FUT8: variants seen among roughly 807,000 people sequenced by gnomAD.
FUT8 encodes fucosyltransferase 8, also known as alpha-(1,6)-fucosyltransferase.
Under a neutral mutation model 71.3 loss-of-function variants are expected in FUT8, and 29 were observed. The observed-to-expected ratio is 0.41, with a 90% CI of 0.30 to 0.55. FUT8 has a LOEUF of 0.55. Ranked by LOEUF, FUT8 falls within the 20% of genes least tolerant of loss-of-function variation. FUT8 has a pLI of 0.34. For missense variants in FUT8, 544 were observed against 702.1 expected, an observed-to-expected ratio of 0.77 and a Z score of 2.55; for synonymous variants, 254 against 239.3, an observed-to-expected ratio of 1.06 and a Z score of -0.57.
In FUT8 at chr14:65,453,100, G is replaced by A. The variant is rs76442732; in HGVS notation, c.-325-2521G>A. 5.0e-3 allele frequency among the ~76,000 whole-genome samples: 752 copies of A among 150,610 alleles called. 8 individuals are homozygous for A. The highest frequency in any genetic ancestry group is 0.017 in the African/African-American group (716 of 41,028). On this transcript the variant is annotated intron_variant, in intron 1 of 10. Transcript: ENST00000673929. ...CATGTAAAATAAGACACTGTAAATT[G>A]TGCCCTGTTGGGTGCTGGACATTTT...
chr14:65,491,515 A>T (rs1011409816), intron 2 of FUT8, among the ~76,000 whole-genome samples: 1 of 152,144 alleles, frequency 6.6e-6, no homozygotes, highest in Non-Finnish European at 1.5e-5. Context: ...TTCAGACTGG[A>T]TAAAATTGAA....
chr14:65,724,057 T>C (rs1895557720), intron 8 of FUT8, 90 bp from the exon 9 acceptor site: 1 of 938,804 alleles, frequency 1.1e-6, no homozygotes, highest in African/African-American at 1.7e-5. Context: ...AAAATGCCTA[T>C]AATGCCACCA....
chr14:65,493,025 G>A (rs1225636154), intron 2 of FUT8, among the ~76,000 whole-genome samples: 1 of 152,028 alleles, frequency 6.6e-6, no homozygotes, highest in Admixed American at 6.6e-5. Context: ...TCCAATAGTT[G>A]CAGATAGGAG....
At chr14:65,620,196 T>C (rs1889528101) in intron 5 of FUT8, among the ~76,000 whole-genome samples, 1 of 152,192 alleles carries the variant, frequency 6.6e-6, no homozygotes, top group Non-Finnish European at 1.5e-5. Context: ...TACCAAGTTC[T>C]GTTTATGGTA....
At chr14:65,462,361 A>G (rs1266809682) in intron 2 of FUT8, among the ~76,000 whole-genome samples, 1 of 152,234 alleles carries the variant, frequency 6.6e-6, no homozygotes, top group African/African-American at 2.4e-5. Context: ...GAAGAAGAGC[A>G]TTCTTCAGGT....
At chr14:65,573,892 A>G (rs985819436) in intron 3 of FUT8, among the ~76,000 whole-genome samples, 1 of 152,138 alleles carries the variant, frequency 6.6e-6, no homozygotes, top group East Asian at 1.9e-4. Flanking sequence ...TTGCTGTTCA[A>G]CAAATTACCA....
Position 65,616,045 on chromosome 14 carries a change from G to T in FUT8, c.271G>T (p.Val91Phe), listed in dbSNP as rs770449129. The T allele has an allele frequency of 3.1e-6, 5 of 1,613,926 alleles. No homozygotes were observed. The South Asian group carries it at 3.3e-5, about 11-fold the overall frequency. The change falls in exon 4 of 11, where the codon GTT becomes TTT. Residue 91 changes from valine to phenylalanine, a missense_variant. By Grantham distance (50) the Val-to-Phe change is conservative (BLOSUM62 -1). Transcript: ENST00000673929. ...GRVRVLEEQL[V>F]KAKEQIENYK... ...AGTACGCGTTTTAGAAGAGCAGCTT[G>T]TTAAGGCCAAAGAACAGATTGAAAA...
chr14:65,383,545 C>T, the FUT8 span, among the ~76,000 whole-genome samples: 1 of 152,184 alleles, frequency 6.6e-6, no homozygotes, highest in Non-Finnish European at 1.5e-5. Context: ...GCTGGGATTA[C>T]AGGCGTGAGC....
chr14:65,380,836 A>G, the FUT8 span, among the ~76,000 whole-genome samples: 2 of 152,228 alleles, frequency 1.3e-5, no homozygotes, highest in African/African-American at 4.8e-5. Flanking sequence ...GGGACAGTCA[A>G]TGTCACAAGT....
intron 2 of FUT8, among the ~76,000 whole-genome samples, chr14:65,484,056 C>T (rs1471513190): frequency 6.6e-6 from 1 of 152,136 alleles, no homozygotes; most frequent in Non-Finnish European, 1.5e-5. Flanking sequence ...TTGTTCATTA[C>T]TAATGTATAA....
chr14:65,497,534 A>C (rs2066578271), intron 2 of FUT8, among the ~76,000 whole-genome samples: 1 of 152,110 alleles, frequency 6.6e-6, no homozygotes, highest in Non-Finnish European at 1.5e-5. Flanking sequence ...AAATGATTCT[A>C]ATGATTTTTA....
chr14:65,374,951 G>A, the FUT8 span, among the ~76,000 whole-genome samples: 1 of 152,084 alleles, frequency 6.6e-6, no homozygotes, highest in African/African-American at 2.4e-5. Context: ...GTGGCTTAGA[G>A]CAATGAATTT....
At position 65,561,632 on chromosome 14, in the gene FUT8, T is replaced by C; in HGVS notation, c.69T>C (p.Phe23=). 1 of 1,613,598 alleles carries C rather than the reference T, an allele frequency of 6.2e-7. No homozygotes were observed. The highest frequency in any genetic ancestry group is 8.5e-7 in the Non-Finnish European group (1 of 1,179,620). Residue 23 remains phenylalanine (F), a synonymous_variant, in exon 3 of 11, where the codon TTT becomes TTC. Coordinates refer to ENST00000673929, the MANE Select transcript of FUT8 (RefSeq NM_001371533.1). ...LILFAWGTLL[F]YIGGHLVRDN... is the part of the protein sequence containing the mutation. ...TTTTTGCCTGGGGGACCTTGCTGTT[T>C]TATATAGGTGGTCACTTGGTACGAG...
chr14:65,692,221 A>T (rs1420227788), intron 7 of FUT8, among the ~76,000 whole-genome samples: 1 of 135,350 alleles, frequency 7.4e-6, no homozygotes, highest in Non-Finnish European at 1.6e-5. Flanking sequence ...GCGGCTGGCC[A>T]GGCGGGGGGC....
intron 2 of FUT8, among the ~76,000 whole-genome samples, chr14:65,558,400 G>C (rs1425950280): frequency 6.6e-6 from 1 of 151,028 alleles, no homozygotes; most frequent in Non-Finnish European, 1.5e-5. Flanking sequence ...GTCTTTATAA[G>C]ATATATGTTG....
chr14:65,729,430 T>A (rs1181971504), intron 9 of FUT8, among the ~76,000 whole-genome samples: 3 of 152,222 alleles, frequency 2.0e-5, no homozygotes, highest in African/African-American at 7.2e-5. Flanking sequence ...TGTTTCATTC[T>A]TATAAGTAAT....
At chr14:65,405,219 A>G in the FUT8 span, among the ~76,000 whole-genome samples, 1 of 152,240 alleles carries the variant, frequency 6.6e-6, no homozygotes, top group East Asian at 1.9e-4. Context: ...GCACTGCACA[A>G]TATTTCTGCT....
intron 2 of FUT8, among the ~76,000 whole-genome samples, chr14:65,493,424 C>A (rs1041894874): frequency 2.0e-5 from 3 of 151,760 alleles, no homozygotes; most frequent in Non-Finnish European, 4.4e-5. Flanking sequence ...GAAGAGAGAA[C>A]CTGTTGATGG....
intron 5 of FUT8, among the ~76,000 whole-genome samples, chr14:65,621,258 T>TG (rs1487726110): frequency 4.6e-5 from 7 of 151,680 alleles, no homozygotes. Context: ...TTTTTTTTTG[T>TG]TTTGTTTTCT....
Sources: gnomAD v4.1 joint callset for allele counts (sites outside exome capture counted in the v4.1 genomes callset) on GRCh38, gnomAD v4.1.1 for gene constraint, MANE v1.5 for transcripts, NCBI Gene and HGNC (gene_info 2026-07-23, HGNC 2026-07-21) for gene names.